Variants in NFIX observed in about 807,000 individuals in gnomAD.
NFIX encodes nuclear factor I X.
In NFIX, 2 loss-of-function variants were observed where a neutral mutation model predicts 53.3. That is an observed-to-expected ratio of 0.04 (90% confidence interval 0.02 to 0.12). The LOEUF is 0.12. Ranked by LOEUF, NFIX falls within the 10% of genes least tolerant of loss-of-function variation. The pLI, the probability that NFIX is intolerant of heterozygous loss-of-function variation, is 1.00. For missense variants in NFIX, 310 were observed against 674.5 expected, an observed-to-expected ratio of 0.46 and a Z score of 5.99; for synonymous variants, 244 against 289.0, an observed-to-expected ratio of 0.84 and a Z score of 1.58.
chr19:13,056,442 G>T (rs544000430), intron 2 of NFIX, among the ~76,000 whole-genome samples: 1 of 152,286 alleles, frequency 6.6e-6, no homozygotes, highest in African/African-American at 2.4e-5. Context: ...GCTTGCATAG[G>T]CTGGGCCCAC....
In NFIX at chr19:13,045,655, G is replaced by A. The variant is rs776225033; in HGVS notation, c.559+20103G>A. Among the ~76,000 whole-genome samples the A allele has an allele frequency of 2.4e-4, 36 of 152,160 alleles. No individual in the cohort carries two copies. The highest frequency in any genetic ancestry group is 4.6e-4 in the Non-Finnish European group (31 of 68,024). ...GTTGCCAGGGAGGTAGGAGAGAGGGGCAGCAGGCACACTGGGTTGACAACT... is the reference window on the plus strand; with the variant it reads ...GTTGCCAGGGAGGTAGGAGAGAGGGACAGCAGGCACACTGGGTTGACAACT... On this transcript the variant is annotated intron_variant, in intron 2 of 10. Coordinates refer to ENST00000592199, the MANE Select transcript of NFIX (RefSeq NM_001365902.3). This position sits in a 1 kb window ranked among gnomAD's most constrained non-coding sequence, Gnocchi z 4.4.
intron 1 of NFIX, among the ~76,000 whole-genome samples, chr19:12,999,077 C>A (rs2011576936): frequency 1.3e-5 from 2 of 152,118 alleles, no homozygotes; most frequent in African/African-American, 4.8e-5. Context: ...CTCACATGGA[C>A]CCAAGGACGG....
rs889458491 is a variant in NFIX, at chr19:13,024,535, A to T, written c.28-486A>T. The T allele has an allele frequency of 2.0e-6, 3 of 1,526,786 alleles. No individual in the cohort carries two copies. The African/African-American group carries it at 4.1e-5, about 21-fold the overall frequency. 94.6% of individuals were successfully genotyped at this position (1,526,786 alleles called of 1,614,324 possible). On this transcript the variant is annotated intron_variant, in intron 1 of 10. Coordinates refer to ENST00000592199, the MANE Select transcript of NFIX (RefSeq NM_001365902.3). Reference sequence around the variant, plus strand: ...AAAATCGACCGGTGTCGGGGACCAGAGGCGGCCCCGCACGCCCCCGCGTGT... The same window carrying T: ...AAAATCGACCGGTGTCGGGGACCAGTGGCGGCCCCGCACGCCCCCGCGTGT...
At chr19:13,038,045 T>G (rs2014337295) in intron 2 of NFIX, among the ~76,000 whole-genome samples, 1 of 152,160 alleles carries the variant, frequency 6.6e-6, no homozygotes, top group Non-Finnish European at 1.5e-5. Context: ...GCTCTTGTTT[T>G]CTGTGCTTTG....
rs1208221516 is a variant in NFIX, at chr19:13,043,310, G to A, written c.559+17758G>A. Among the ~76,000 whole-genome samples, 2 of 152,240 alleles carry A rather than the reference G, an allele frequency of 1.3e-5. No homozygotes were observed. The highest frequency in any genetic ancestry group is 1.5e-5 in the Non-Finnish European group (1 of 68,044). On this transcript the variant is annotated intron_variant, in intron 2 of 10. Transcript: ENST00000592199. The surrounding 1 kb of genome is among the most constrained non-coding windows in gnomAD (Gnocchi z 4.0). ...TGCTAGAAGGGGAGGGACCCTTGGG[G>A]GTCACCGTGGCATGGCAGTTTCCTC...
intron 2 of NFIX, among the ~76,000 whole-genome samples, chr19:13,038,861 T>C (rs1391292168): frequency 2.0e-5 from 3 of 152,170 alleles, no homozygotes; most frequent in Admixed American, 2.0e-4. Context: ...AGCTGGGCTG[T>C]GGGCTACCCG....
At position 13,022,960 on chromosome 19, in the gene NFIX, C is replaced by CG. The variant is rs1243102526; in HGVS notation, c.28-2056dup. On this transcript the variant is annotated intron_variant, in intron 1 of 10. Coordinates refer to ENST00000592199, the MANE Select transcript of NFIX (RefSeq NM_001365902.3). This position sits in a 1 kb window ranked among gnomAD's most constrained non-coding sequence, Gnocchi z 4.5. The stretch of plus-strand genomic sequence containing the variant: ...CAAATTGTTTTTGGTCTCCAACTGC[C>CG]GGGGGCTCTCCCCACCCTCCCTGCT... 6.6e-6 allele frequency among the ~76,000 whole-genome samples: 1 copy of CG among 152,068 alleles called. No homozygotes were observed. Among genetic ancestry groups the CG allele is most frequent in the African/African-American group, 2.4e-5 (1 of 41,402 alleles).
At chr19:13,008,178 G>A (rs930185454) in intron 1 of NFIX, among the ~76,000 whole-genome samples, 4 of 152,166 alleles carry the variant, frequency 2.6e-5, no homozygotes, top group African/African-American at 4.8e-5. Context: ...GTACGGCTCC[G>A]ATCCTTGGGG....
intron 2 of NFIX, among the ~76,000 whole-genome samples, chr19:13,042,232 T>C (rs1338108489): frequency 6.6e-6 from 1 of 152,074 alleles, no homozygotes; most frequent in Non-Finnish European, 1.5e-5. Flanking sequence ...TTAGCTGCAT[T>C]ACCCCTAAAT....
At chr19:13,024,758 G>T (rs2013185627) in intron 1 of NFIX, 1 of 1,522,624 alleles carries the variant, frequency 6.6e-7, no homozygotes, top group Non-Finnish European at 8.8e-7. Flanking sequence ...ATAGGTGTGT[G>T]TAGAGGCTCC....
chr19:13,019,931 C>G (rs1314902121), intron 1 of NFIX, among the ~76,000 whole-genome samples: 4 of 148,660 alleles, frequency 2.7e-5, no homozygotes, highest in Admixed American at 2.6e-4. Context: ...TCCTTTTTTC[C>G]CCCCTTGTCT....
intron 1 of NFIX, among the ~76,000 whole-genome samples, chr19:13,003,065 C>G (rs1033058943): frequency 3.3e-5 from 5 of 152,140 alleles, no homozygotes; most frequent in African/African-American, 1.2e-4. Flanking sequence ...GTGGTTCCGT[C>G]CAAATATCGG....
chr19:13,048,037 C>A (rs2015099405), intron 2 of NFIX, among the ~76,000 whole-genome samples: 1 of 152,172 alleles, frequency 6.6e-6, no homozygotes, highest in South Asian at 2.1e-4. Context: ...TCATTTAAGC[C>A]CATGACAGTC....
In NFIX at chr19:13,073,755, T is replaced by G. The variant is rs1466496972; in HGVS notation, c.698-151T>G. 3.7e-6 allele frequency: 4 copies of G among 1,067,702 alleles called. No individual in the cohort carries two copies. The African/African-American group carries it at 4.8e-5, about 13-fold the overall frequency. The allele number at this position is 1,067,702 out of a possible 1,614,324, so 66.1% of individuals were successfully genotyped here. A position where few individuals can be genotyped will look rare whatever the true frequency, so the allele number is the denominator to read the frequency against. Reference sequence around the variant, plus strand: ...TGTGACCCACTAGCTGGGAGGAGGTTCCTCAGCAGCCCAGATGGCCCACTT... The same window carrying G: ...TGTGACCCACTAGCTGGGAGGAGGTGCCTCAGCAGCCCAGATGGCCCACTT... On this transcript the variant is annotated intron_variant, in intron 4 of 10. Coordinates refer to ENST00000592199, the MANE Select transcript of NFIX (RefSeq NM_001365902.3). This position sits in a 1 kb window ranked among gnomAD's most constrained non-coding sequence, Gnocchi z 4.5.
At chr19:13,077,838 T>A (rs935281576) in intron 6 of NFIX, among the ~76,000 whole-genome samples, 26 of 152,198 alleles carry the variant, frequency 1.7e-4, no homozygotes, top group Non-Finnish European at 5.9e-5. Flanking sequence ...GAGATGAATT[T>A]CTAAAGACAG....
At chr19:13,020,991 A>G (rs1183235003) in intron 1 of NFIX, among the ~76,000 whole-genome samples, 1 of 152,180 alleles carries the variant, frequency 6.6e-6, no homozygotes, top group Non-Finnish European at 1.5e-5. Flanking sequence ...AGGATTCTCC[A>G]GGAGGCTCGT....
In NFIX at chr19:12,996,137, G is replaced by C. The variant is rs1212756432; in HGVS notation, c.27+273G>C. On this transcript the variant is annotated intron_variant, in intron 1 of 10. Coordinates refer to ENST00000592199, the MANE Select transcript of NFIX (RefSeq NM_001365902.3). The surrounding 1 kb of genome is among the most constrained non-coding windows in gnomAD (Gnocchi z 5.2). ...GCCCGTGGAGCGCAGGCGGGAGTGC[G>C]TGTACGTGTGTGTGTGTGTGTGTGT... is the stretch of plus-strand genomic sequence containing the variant. Among the ~76,000 whole-genome samples, 2 of 123,808 alleles carry C rather than the reference G, an allele frequency of 1.6e-5. No individual in the cohort carries two copies. The highest frequency in any genetic ancestry group is 3.3e-5 in the Non-Finnish European group (2 of 60,378). The allele number at this position is 123,808 out of a possible 152,430, so 81.2% of individuals were successfully genotyped here. A position where few individuals can be genotyped will look rare whatever the true frequency, so the allele number is the denominator to read the frequency against.
Position 13,067,790 on chromosome 19 carries a change from G to A in NFIX, c.560-5257G>A, listed in dbSNP as rs1179447753. Among the ~76,000 whole-genome samples the A allele has an allele frequency of 1.3e-5, 2 of 151,814 alleles. No individual in the cohort carries two copies. The highest frequency in any genetic ancestry group is 6.6e-5 in the Admixed American group (1 of 15,240). On this transcript the variant is annotated intron_variant, in intron 2 of 10. Transcript: ENST00000592199. This position sits in a 1 kb window ranked among gnomAD's most constrained non-coding sequence, Gnocchi z 4.2. ...GCCATAACTACCTCCCCATCTGTAG[G>A]TGGAAAATATATATATATATATTAA... is the stretch of plus-strand genomic sequence containing the variant.
At chr19:13,080,017 G>A (rs1285095074) in intron 7 of NFIX, among the ~76,000 whole-genome samples, 1 of 152,208 alleles carries the variant, frequency 6.6e-6, no homozygotes, top group African/African-American at 2.4e-5. Flanking sequence ...CTGAGCAGAT[G>A]CTGGCTTTGT....
Sources: gnomAD v4.1 joint callset for allele counts (sites outside exome capture counted in the v4.1 genomes callset) on GRCh38, gnomAD v4.1.1 for gene constraint, Gnocchi (gnomAD v3.1) non-coding constraint, MANE v1.5 for transcripts, NCBI Gene and HGNC (gene_info 2026-07-23, HGNC 2026-07-21) for gene names.